GULP1: variants seen among roughly 807,000 people sequenced by gnomAD.
GULP1 encodes the protein GULP PTB domain containing engulfment adaptor 1, also known as PTB domain-containing engulfment adapter protein 1.
Under a neutral mutation model 40.9 loss-of-function variants are expected in GULP1, and 19 were observed. The ratio of observed to expected loss-of-function variants is 0.46; its 90% CI spans 0.32 to 0.68. The LOEUF (loss-of-function observed/expected upper bound fraction) is 0.68, where lower values mean the gene tolerates loss of function less well. GULP1 is among the 30% of genes least tolerant of loss of function. The probability of loss-of-function intolerance (pLI) is 0.03; values close to 1 mark genes in which losing one functional copy is unlikely to be tolerated. For synonymous variants in GULP1, 119 were observed against 117.6 expected, an observed-to-expected ratio of 1.01 and a Z score of -0.08; for missense variants, 312 against 362.2, an observed-to-expected ratio of 0.86 and a Z score of 1.12.
chr2:188,589,209 G>A (rs1429836191), intron 11 of GULP1: 1 of 152,044 alleles, frequency 6.6e-6, no homozygotes, highest in Non-Finnish European at 1.5e-5. Context: ...ACCAATACAG[G>A]ACGGATGATC....
intron 7 of GULP1, among the ~76,000 whole-genome samples, chr2:188,561,931 C>T (rs1421623702): frequency 2.0e-5 from 3 of 152,146 alleles, no homozygotes; most frequent in Non-Finnish European, 4.4e-5. Flanking sequence ...CCAGTCACAT[C>T]CCATTCTCAG....
chr2:188,579,832 AG>A lies in GULP1; in HGVS notation c.610-4432del, dbSNP rs138001900. On this transcript the variant is annotated intron_variant, in intron 9 of 11. Coordinates refer to ENST00000409830, the MANE Select transcript of GULP1 (RefSeq NM_016315.4). The stretch of plus-strand genomic sequence containing the variant: ...CTGCAGACACCATGATAAAAATAAC[AG>A]AGCACTTTCAAGTAAGGTTATTTTG... Among the ~76,000 whole-genome samples the A allele has an allele frequency of 3.3e-4, 51 of 152,326 alleles. 1 individual carries two copies. In the East Asian group the frequency reaches 9.6e-3, roughly 29 times the overall value.
intron 11 of GULP1, chr2:188,591,349 A>G (rs766006731): frequency 1.3e-5 from 2 of 152,106 alleles, no homozygotes; most frequent in African/African-American, 2.4e-5. Context: ...AGAGGTAACT[A>G]TGGCCTAGCA....
chr2:188,364,637 C>A (rs1255829489), intron 1 of GULP1, among the ~76,000 whole-genome samples: 1 of 151,656 alleles, frequency 6.6e-6, no homozygotes, highest in Non-Finnish European at 1.5e-5. Context: ...AGATGAGAAT[C>A]TCATTCTGAA....
chr2:188,299,646 G>A lies in GULP1; in HGVS notation c.-172+7480G>A, dbSNP rs117167605. Among the ~76,000 whole-genome samples, 32 of 152,326 alleles carry A rather than the reference G, an allele frequency of 2.1e-4. No individual in the cohort carries two copies. The East Asian group carries it at 4.8e-3, about 23-fold the overall frequency. On this transcript the variant is annotated intron_variant, in intron 1 of 11. Transcript: ENST00000409830. ...TGTTCTTTTTGTAGTTGTGTGATTA[G>A]TAGGTGACAGAGACCTCCTCTTATT...
At chr2:188,571,162 A>C (rs1186587391) in intron 9 of GULP1, among the ~76,000 whole-genome samples, 1 of 152,194 alleles carries the variant, frequency 6.6e-6, no homozygotes, top group Non-Finnish European at 1.5e-5. Context: ...GTTTCAAAAA[A>C]AATTAATATC....
At chr2:188,571,853 A>T (rs1382859611) in intron 9 of GULP1, among the ~76,000 whole-genome samples, 1 of 152,230 alleles carries the variant, frequency 6.6e-6, no homozygotes, top group African/African-American at 2.4e-5. Context: ...AATTCATCAC[A>T]TATGAAGAGT....
intron 1 of GULP1, among the ~76,000 whole-genome samples, chr2:188,308,923 T>C (rs1299031630): frequency 6.6e-6 from 1 of 152,170 alleles, no homozygotes; most frequent in Admixed American, 6.5e-5. Flanking sequence ...TTTTCTTGTG[T>C]GTTCCCTCCC....
intron 4 of GULP1, among the ~76,000 whole-genome samples, chr2:188,510,604 T>C (rs1042609906): frequency 2.6e-5 from 4 of 152,006 alleles, no homozygotes; most frequent in Non-Finnish European, 5.9e-5. Flanking sequence ...GCATGAAATA[T>C]ACTCAGCCTC....
intron 1 of GULP1, among the ~76,000 whole-genome samples, chr2:188,313,008 T>C (rs1002801788): frequency 2.0e-5 from 3 of 152,132 alleles, no homozygotes; most frequent in Non-Finnish European, 4.4e-5. Context: ...CCTTGTAAAC[T>C]CTGGATATTA....
chr2:188,460,436 T>TA (rs397737652), intron 2 of GULP1, among the ~76,000 whole-genome samples: 1 of 151,424 alleles, frequency 6.6e-6, no homozygotes, highest in African/African-American at 2.4e-5. Context: ...TTTTTTTTTT[T>TA]AGATTGTTTA....
intron 1 of GULP1, among the ~76,000 whole-genome samples, chr2:188,376,952 T>C (rs149632075): frequency 6.6e-6 from 1 of 152,282 alleles, no homozygotes; most frequent in African/African-American, 2.4e-5. Flanking sequence ...GGCTGACAGA[T>C]CATGAGGTCA....
intron 9 of GULP1, chr2:188,582,640 G>A (rs1230678112): frequency 2.5e-6 from 1 of 403,208 alleles, no homozygotes; most frequent in Non-Finnish European, 5.1e-6. Flanking sequence ...TGTGCTATTT[G>A]TAAAGTTATC....
intron 2 of GULP1, among the ~76,000 whole-genome samples, chr2:188,427,211 T>C (rs2056314010): frequency 6.6e-6 from 1 of 152,176 alleles, no homozygotes; most frequent in Non-Finnish European, 1.5e-5. Flanking sequence ...CTGGAACTTA[T>C]ATTTAAAAGG....
In GULP1 at chr2:188,569,228, T is replaced by C. The variant is rs751283274; in HGVS notation, c.400-11T>C. 5 of 1,360,802 alleles carry C rather than the reference T, an allele frequency of 3.7e-6. No individual in the cohort carries two copies. Among genetic ancestry groups the C allele is most frequent in the African/African-American group, 1.4e-5 (1 of 69,878 alleles). The allele number at this position is 1,360,802 out of a possible 1,614,324, so 84.3% of individuals were successfully genotyped here. A position where few individuals can be genotyped will look rare whatever the true frequency, so the allele number is the denominator to read the frequency against. On this transcript the variant is annotated splice_polypyrimidine_tract_variant and intron_variant, in intron 7 of 11. Coordinates refer to ENST00000409830, the MANE Select transcript of GULP1 (RefSeq NM_016315.4). Reference sequence around the variant, plus strand: ...TATTAAAATGCAAATCTTTGTTTGATTTTTACACAGGCTGAAGAGATCACT... The same window carrying C: ...TATTAAAATGCAAATCTTTGTTTGACTTTTACACAGGCTGAAGAGATCACT...
chr2:188,530,858 A>G (rs1287255834), intron 6 of GULP1, among the ~76,000 whole-genome samples: 2 of 152,230 alleles, frequency 1.3e-5, no homozygotes, highest in East Asian at 3.8e-4. Flanking sequence ...TCAATTTGGA[A>G]AAATTAATAT....
chr2:188,302,294 A>G (rs1320616609), intron 1 of GULP1, among the ~76,000 whole-genome samples: 1 of 152,198 alleles, frequency 6.6e-6, no homozygotes, highest in African/African-American at 2.4e-5. Context: ...CAAAACTAGG[A>G]ATAATCTAAC....
chr2:188,425,472 G>T (rs1188054869), intron 2 of GULP1, among the ~76,000 whole-genome samples: 2 of 152,026 alleles, frequency 1.3e-5, no homozygotes, highest in Non-Finnish European at 2.9e-5. Flanking sequence ...TGGTTTTGGG[G>T]GTTGTAGTTT....
chr2:188,478,145 A>G (rs553437376), intron 3 of GULP1, among the ~76,000 whole-genome samples: 10 of 152,078 alleles, frequency 6.6e-5, no homozygotes, highest in Non-Finnish European at 1.3e-4. Context: ...TGTATCATTG[A>G]ACAATATGTG....
Sources: allele counts gnomAD v4.1 joint callset (sites outside exome capture counted in the v4.1 genomes callset), GRCh38; gene constraint gnomAD v4.1.1; transcripts MANE v1.5; gene names NCBI Gene and HGNC (gene_info 2026-07-23, HGNC 2026-07-21).